RCAN2: variants seen among roughly 807,000 people sequenced by gnomAD.
RCAN2 encodes the protein regulator of calcineurin 2, also known as calcipressin-2.
RCAN2 carries 9 observed loss-of-function variants against 23.6 expected under a neutral mutation model. That is an observed-to-expected ratio of 0.38 (90% CI 0.23 to 0.67). RCAN2 has a LOEUF of 0.67. Ranked by LOEUF, RCAN2 falls within the 30% of genes least tolerant of loss-of-function variation. The probability of loss-of-function intolerance (pLI) is 0.51; values close to 1 mark genes in which losing one functional copy is unlikely to be tolerated. For synonymous variants in RCAN2, 109 were observed against 115.7 expected (o/e 0.94, Z 0.37); for missense variants, 273 against 302.3 (o/e 0.90, Z 0.72).
rs1389818413 is a variant in RCAN2, at chr6:46,375,029, TCCCAGTAGCTGGCATTACAGCCAGCAG to T, written c.225+81696_225+81722del. ...TCAAGCAATTCTCCTACCTCAGTCT[TCCCAGTAGCTGGCATTACAGCCAGCAG>T]CCCAGTAGCCGGCATTACAGCCAGC... On this transcript the variant is annotated intron_variant, in intron 2 of 4. Transcript: ENST00000371374. 1.1e-4 allele frequency among the ~76,000 whole-genome samples: 17 copies of T among 152,152 alleles called. No homozygotes were observed. In the South Asian group the frequency reaches 3.5e-3, roughly 32 times the overall value.
chr6:46,453,415 C>G (rs986806740), intron 2 of RCAN2, among the ~76,000 whole-genome samples: 2 of 152,154 alleles, frequency 1.3e-5, no homozygotes, highest in Admixed American at 1.3e-4. Context: ...TCACTCATTG[C>G]AAAAGCATGA....
rs574131066 is a variant in RCAN2 at position 46,281,131 on chromosome 6, G to A, written c.226-32235C>T. 9.7e-4 allele frequency among the ~76,000 whole-genome samples: 148 copies of A among 152,212 alleles called. 1 individual carries two copies. Among genetic ancestry groups the A allele is most frequent in the African/African-American group, 3.3e-3 (138 of 41,530 alleles). ...TTTGGGGTAGAGTGAGGGAGGGGGA[G>A]AAGAAAAGTCAGAGACACCAGGCCA... On this transcript the variant is annotated intron_variant, in intron 2 of 4. Transcript: ENST00000371374.
chr6:46,319,991 G>A (rs1220997015), intron 2 of RCAN2, among the ~76,000 whole-genome samples: 1 of 152,164 alleles, frequency 6.6e-6, no homozygotes, highest in African/African-American at 2.4e-5. Context: ...AATAGGGAAT[G>A]AGCATTTCAG....
chr6:46,342,059 C>G (rs941507656), intron 2 of RCAN2, among the ~76,000 whole-genome samples: 2 of 152,044 alleles, frequency 1.3e-5, no homozygotes, highest in African/African-American at 2.4e-5. Flanking sequence ...AATACTGGAG[C>G]TTTGAGAAAT....
At chr6:46,463,720 A>G (rs1376663256) in intron 1 of RCAN2, among the ~76,000 whole-genome samples, 1 of 152,234 alleles carries the variant, frequency 6.6e-6, no homozygotes, top group African/African-American at 2.4e-5. Flanking sequence ...GCTCATAAAT[A>G]ACCTGTCTCT....
chr6:46,428,788 A>C (rs1767106480), intron 2 of RCAN2, among the ~76,000 whole-genome samples: 1 of 152,116 alleles, frequency 6.6e-6, no homozygotes, highest in South Asian at 2.1e-4. Context: ...ATTTAGCTGA[A>C]AGCTCCTTCC....
At chr6:46,384,290 T>G (rs1483322253) in intron 2 of RCAN2, among the ~76,000 whole-genome samples, 2 of 152,244 alleles carry the variant, frequency 1.3e-5, no homozygotes, top group Non-Finnish European at 2.9e-5. Flanking sequence ...TCCCTTCTAT[T>G]GAACTACCTG....
intron 2 of RCAN2, among the ~76,000 whole-genome samples, chr6:46,294,969 AG>A (rs1762674783): frequency 6.6e-6 from 1 of 152,178 alleles, no homozygotes; most frequent in South Asian, 2.1e-4. Context: ...ACCATATGTA[AG>A]GGCAGCTGCA....
At chr6:46,351,603 TA>T (rs1262028523) in intron 2 of RCAN2, among the ~76,000 whole-genome samples, 3 of 152,186 alleles carry the variant, frequency 2.0e-5, no homozygotes, top group Non-Finnish European at 4.4e-5. Flanking sequence ...GCTCCTCTAG[TA>T]AACAGCACAC....
chr6:46,379,790 C>A (rs1244903094), intron 2 of RCAN2, among the ~76,000 whole-genome samples: 1 of 152,236 alleles, frequency 6.6e-6, no homozygotes, highest in South Asian at 2.1e-4. Flanking sequence ...GTGTGAATGT[C>A]GTTATTGATG....
At chr6:46,283,116 A>G (rs1762259287) in intron 2 of RCAN2, among the ~76,000 whole-genome samples, 1 of 152,186 alleles carries the variant, frequency 6.6e-6, no homozygotes, top group Non-Finnish European at 1.5e-5. Flanking sequence ...TGACCAAGGC[A>G]GCACTGCAGG....
chr6:46,466,148 G>A (rs1472143630), intron 1 of RCAN2, among the ~76,000 whole-genome samples: 1 of 152,180 alleles, frequency 6.6e-6, no homozygotes, highest in African/African-American at 2.4e-5. Context: ...CAAAGCCTCT[G>A]GAAGAGTGGA....
At chr6:46,444,495 C>G (rs1200685347) in intron 2 of RCAN2, among the ~76,000 whole-genome samples, 2 of 152,154 alleles carry the variant, frequency 1.3e-5, no homozygotes, top group Non-Finnish European at 2.9e-5. Flanking sequence ...TGCTGGTACC[C>G]ATGGACTCAG....
At chr6:46,277,533 C>A (rs190596473) in intron 2 of RCAN2, among the ~76,000 whole-genome samples, 109 of 151,888 alleles carry the variant, frequency 7.2e-4, no homozygotes, top group African/African-American at 2.6e-3. Context: ...TCACTTTCTT[C>A]GAAGTAGACA....
chr6:46,263,459 G>GTGTGTGTGTGTATGTA (rs1767185303), intron 2 of RCAN2, among the ~76,000 whole-genome samples: 2 of 71,406 alleles, frequency 2.8e-5, no homozygotes, highest in African/African-American at 4.1e-5. Context: ...GAGAGTGTGT[G>GTGTGTGTGTGTATGTA]TGTGTGTGTG....
chr6:46,263,553 GTGTGTGTA>G lies in RCAN2; in HGVS notation c.226-14665_226-14658del, dbSNP rs1488183570. ...TGTGTGTGTGTATGTGTGTGTGTGTGTGTGTGTATGTGTGTGTGTGTTAGTATAGGGGG... is the reference window on the plus strand; with the variant it reads ...TGTGTGTGTGTATGTGTGTGTGTGTGTGTGTGTGTGTGTTAGTATAGGGGG... On this transcript the variant is annotated intron_variant, in intron 2 of 4. Transcript: ENST00000371374. 2.6e-3 allele frequency among the ~76,000 whole-genome samples: 367 copies of G among 139,434 alleles called. 8 individuals are homozygous for G. Among genetic ancestry groups the G allele is most frequent in the African/African-American group, 9.6e-3 (347 of 36,098 alleles). 91.5% of individuals were successfully genotyped at this position (139,434 alleles called of 152,430 possible). A position where few individuals can be genotyped will look rare whatever the true frequency, so the allele number is the denominator to read the frequency against.
intron 2 of RCAN2, among the ~76,000 whole-genome samples, chr6:46,258,640 C>T (rs182985595): frequency 6.6e-6 from 1 of 152,320 alleles, no homozygotes; most frequent in East Asian, 1.9e-4. Context: ...TCATCACACA[C>T]CTCTCTCAGT....
intron 2 of RCAN2, among the ~76,000 whole-genome samples, chr6:46,280,799 T>A (rs1657713289): frequency 6.6e-6 from 1 of 151,736 alleles, no homozygotes; most frequent in Non-Finnish European, 1.5e-5. Flanking sequence ...ACTGAAGGAG[T>A]CTTAGTAGAG....
chr6:46,255,396 A>T (rs1381451158), intron 2 of RCAN2, among the ~76,000 whole-genome samples: 2 of 152,200 alleles, frequency 1.3e-5, no homozygotes, highest in Non-Finnish European at 2.9e-5. Flanking sequence ...ATTCAACTGA[A>T]AGAATGGGAA....
Sources: allele counts gnomAD v4.1 joint callset (sites outside exome capture counted in the v4.1 genomes callset), GRCh38; gene constraint gnomAD v4.1.1; transcripts MANE v1.5; gene names NCBI Gene and HGNC (gene_info 2026-07-23, HGNC 2026-07-21).